SLC15A3: variants seen among roughly 807,000 people sequenced by gnomAD.
The protein encoded by SLC15A3 is osteoclast transporter.
A neutral mutation model predicts 49.2 loss-of-function variants in SLC15A3; 39 were observed. The ratio of observed to expected loss-of-function variants is 0.79; its 90% CI spans 0.61 to 1.04. The LOEUF (loss-of-function observed/expected upper bound fraction) is 1.04, where lower values mean the gene tolerates loss of function less well. Among genes scored for constraint, SLC15A3 ranks in the 50% least tolerant of loss-of-function variants. The probability of loss-of-function intolerance (pLI) is 0.00; values close to 1 mark genes in which losing one functional copy is unlikely to be tolerated. For missense variants in SLC15A3, 758 were observed against 794.8 expected (o/e 0.95, Z 0.56); for synonymous variants, 339 against 367.0 (o/e 0.92, Z 0.87).
chr11:60,951,238 G>A lies in SLC15A3; in HGVS notation c.314C>T (p.Ala105Val). ...GGCCAGGTAGAGCAGCAGGCTGAGC[G>A]CGACCGCGCGGTAGCGGCCCAGGTA... ...DVYLGRYRAV[A>V]LSLLLYLAAS... is the part of the protein sequence containing the mutation. Residue 105 changes from alanine to valine, a missense_variant, in exon 1 of 8, where the codon GCG (alanine) becomes GTG (valine). Physicochemically the swap from Ala to Val is moderately conservative, Grantham distance 64. This residue lies in a region of SLC15A3 where 699 missense variants were observed against 706.7 expected (regional missense o/e 0.99). Coordinates refer to ENST00000227880, the MANE Select transcript of SLC15A3 (RefSeq NM_016582.3). The A allele has an allele frequency of 4.0e-6, 6 of 1,511,770 alleles. No individual in the cohort carries two copies. Among genetic ancestry groups the A allele is most frequent in the Non-Finnish European group, 5.3e-6 (6 of 1,134,328 alleles). 93.6% of individuals were successfully genotyped at this position (1,511,770 alleles called of 1,614,324 possible).
chr11:60,946,560 G>T lies in SLC15A3; in HGVS notation c.820C>A (p.Pro274Thr). The part of the protein sequence containing the change: ...MLKLALQNCC[P>T]QLWQRHSARD... ...GCCGAGTGTCGTTGCCACAGCTGGG[G>T]GCAGCAGTTTTGGAGAGCGAGCTTA... The change falls in exon 2 of 8, where the codon CCC becomes ACC. Residue 274 changes from proline (P) to threonine (T), a missense_variant. Around this residue, in one of 3 missense-constraint regions of SLC15A3, gnomAD observed 699 missense variants for 706.7 expected, o/e 0.99. Transcript: ENST00000227880. 6.3e-6 allele frequency: 10 copies of T among 1,584,194 alleles called. No homozygotes were observed. Among genetic ancestry groups the T allele is most frequent in the Non-Finnish European group, 6.9e-6 (8 of 1,160,914 alleles).
intron 3 of SLC15A3, 38 bp downstream of exon 3, chr11:60,943,651 G>C (rs2134930902): frequency 2.0e-6 from 3 of 1,474,244 alleles, no homozygotes; most frequent in East Asian, 2.5e-5. Flanking sequence ...GGTGAGTGGG[G>C]AGCCAGGCCC....
At position 60,937,484 on chromosome 11, in the gene SLC15A3, G is replaced by C. The variant is rs560918864; in HGVS notation, c.1592-111C>G. ...GGCAACTGAGGCCATGTGGGCAGTG[G>C]TGGGATCTGAAGACACTGGACAGAT... On this transcript the variant is annotated intron_variant, in intron 7 of 7. Transcript: ENST00000227880. 2.1e-6 allele frequency: 3 copies of C among 1,416,856 alleles called. No individual in the cohort carries two copies. The African/African-American group carries it at 4.2e-5, about 20-fold the overall frequency. 87.8% of individuals were successfully genotyped at this position (1,416,856 alleles called of 1,614,324 possible). A position where few individuals can be genotyped will look rare whatever the true frequency, so the allele number is the denominator to read the frequency against.
In SLC15A3 at chr11:60,951,535, G is replaced by A. The variant is rs1006262713; in HGVS notation, c.17C>T (p.Ala6Val). 8 of 1,146,002 alleles carry A rather than the reference G, an allele frequency of 7.0e-6. No individual in the cohort carries two copies. In the Admixed American group the frequency reaches 2.4e-4, roughly 35 times the overall value. The allele number at this position is 1,146,002 out of a possible 1,614,324, so 71.0% of individuals were successfully genotyped here. ...CCCGGGCACGCGGGGCTGCTCCCGG[G>A]CGCGCGGCGCGGGCATCCTGGCTCC... MPAPR[A>V]REQPRVPGER... The change falls in exon 1 of 8, where the codon GCC becomes GTC. Residue 6 changes from alanine to valine, a missense_variant. Coordinates refer to ENST00000227880, the MANE Select transcript of SLC15A3 (RefSeq NM_016582.3).
At chr11:60,949,485 G>GAAGAAAGAAAGAAAGAAGGAAAGAAAGA (rs1856862034) in intron 1 of SLC15A3, among the ~76,000 whole-genome samples, 1 of 84,194 alleles carries the variant, frequency 1.2e-5, no homozygotes, top group Non-Finnish European at 2.3e-5. Flanking sequence ...AGAAAGAAAG[G>GAAGAAAGAAAGAAAGAAGGAAAGAAAGA]AAGAAAGAAA....
At position 60,941,133 on chromosome 11, in the gene SLC15A3, A is replaced by C. The variant is rs1856701872; in HGVS notation, c.1265T>G (p.Val422Gly). ...ACCCCTCTGCACACCTGCCACAATG[A>C]CGGAGGTAAAACCAAAGAACATCCC... ...ALGMFFGFTS[V>G]IVAGVLEMER... The change falls in exon 5 of 8, where the codon GTC becomes GGC. Residue 422 changes from valine (V) to glycine (G), a missense_variant. Around this residue, in one of 3 missense-constraint regions of SLC15A3, gnomAD observed 699 missense variants for 706.7 expected, o/e 0.99. Transcript: ENST00000227880. 1 of 1,613,026 alleles carries C rather than the reference A, an allele frequency of 6.2e-7. No homozygotes were observed. The highest frequency in any genetic ancestry group is 1.1e-5 in the South Asian group (1 of 90,804).
rs370444847 is a variant in SLC15A3, at chr11:60,946,503, G to A, written c.848+29C>T. On this transcript the variant is annotated intron_variant, in intron 2 of 7. Coordinates refer to ENST00000227880, the MANE Select transcript of SLC15A3 (RefSeq NM_016582.3). ...GATCCAGCGCTTCTCCAGGCTTGGA[G>A]GCTCCCTGCACCCAGAGCCCCTCCT... 90 of 1,522,346 alleles carry A rather than the reference G, an allele frequency of 5.9e-5. No homozygotes were observed. In the African/African-American group the frequency reaches 1.2e-3, roughly 21 times the overall value. 94.3% of individuals were successfully genotyped at this position (1,522,346 alleles called of 1,614,324 possible).
rs1358439582 is a variant in SLC15A3, at chr11:60,951,600, C to T, written c.-49G>A. 8.8e-7 allele frequency: 1 copy of T among 1,132,480 alleles called. No homozygotes were observed. Among genetic ancestry groups the T allele is most frequent in the Non-Finnish European group, 1.1e-6 (1 of 923,716 alleles). The allele number at this position is 1,132,480 out of a possible 1,614,324, so 70.2% of individuals were successfully genotyped here. On this transcript the variant is annotated 5_prime_UTR_variant, in exon 1 of 8. Transcript: ENST00000227880. ...GCGGCTCTTCTCTCCTCTCCTCTCC[C>T]CGCCTCAGAGCCCTGCACTCCTGCC...
In SLC15A3 at chr11:60,946,706, C is replaced by T. The variant is rs750023687; in HGVS notation, c.674G>A (p.Ser225Asn). Residue 225 changes from serine (S) to asparagine (N), a missense_variant, in exon 2 of 8, where the codon AGC becomes AAC. Ser to Asn is a conservative substitution (Grantham distance 46). Around this residue, in one of 3 missense-constraint regions of SLC15A3, gnomAD observed 699 missense variants for 706.7 expected, o/e 0.99. Coordinates refer to ENST00000227880, the MANE Select transcript of SLC15A3 (RefSeq NM_016582.3). Reference sequence around the variant, plus strand: ...AGGGATGCTGTAGCCCAGCAGGAAGCTGATGTTCTGCTGAATAAACGCCAC... The same window carrying T: ...AGGGATGCTGTAGCCCAGCAGGAAGTTGATGTTCTGCTGAATAAACGCCAC... The part of the protein sequence containing the change: ...LVVAFIQQNI[S>N]FLLGYSIPVG... The T allele has an allele frequency of 5.0e-6, 8 of 1,614,222 alleles. No homozygotes were observed. Among genetic ancestry groups the T allele is most frequent in the Middle Eastern group, 1.6e-4 (1 of 6,062 alleles).
intron 4 of SLC15A3, chr11:60,941,788 G>A (rs746297612): frequency 1.0e-4 from 49 of 483,068 alleles, no homozygotes; most frequent in Non-Finnish European, 1.7e-4. Context: ...ATTAGGCAGC[G>A]AGACCTGCTT....
At chr11:60,940,077 A>G (rs1176089807) in intron 5 of SLC15A3, 2 of 178,300 alleles carry the variant, frequency 1.1e-5, no homozygotes, top group Admixed American at 1.1e-4. Context: ...TTTCCATGAT[A>G]TCACATGACT....
chr11:60,949,486 A>C (rs1856861896), intron 1 of SLC15A3, among the ~76,000 whole-genome samples: 2 of 142,344 alleles, frequency 1.4e-5, no homozygotes, highest in Admixed American at 7.1e-5. Context: ...GAAAGAAAGG[A>C]AGAAAGAAAG....
In SLC15A3 at chr11:60,943,776, C is replaced by T. The variant is rs577670640; in HGVS notation, c.909G>A (p.Pro303=). 2.4e-5 allele frequency: 39 copies of T among 1,603,914 alleles called. No homozygotes were observed. Among genetic ancestry groups the T allele is most frequent in the African/African-American group, 2.0e-4 (15 of 74,620 alleles). The change falls in exon 3 of 8, where the codon CCG becomes CCA. Residue 303 remains proline (P), a synonymous_variant. Coordinates refer to ENST00000227880, the MANE Select transcript of SLC15A3 (RefSeq NM_016582.3). The part of the protein sequence containing the change: ...DERSPQPGAS[P]QEDIANFQVL... ...CCTGGAAGTTGGCGATGTCCTCTTG[C>T]GGGGAAGCCCCTGGCTGGGGAGACC...
intron 1 of SLC15A3, among the ~76,000 whole-genome samples, chr11:60,949,518 A>AAG (rs1185784480): frequency 1.7e-4 from 12 of 72,576 alleles, no homozygotes; most frequent in African/African-American, 3.8e-4. Flanking sequence ...GAAAGAAAGA[A>AAG]AGAAAGAAAG....
In SLC15A3 at chr11:60,943,791, C is replaced by T. The variant is rs764302267; in HGVS notation, c.894G>A (p.Gln298=). 6.2e-7 allele frequency: 1 copy of T among 1,601,564 alleles called. No homozygotes were observed. Among genetic ancestry groups the T allele is most frequent in the African/African-American group, 1.3e-5 (1 of 74,350 alleles). The change falls in exon 3 of 8, where the codon CAG becomes CAA. Residue 298 remains glutamine, a synonymous_variant. Transcript: ENST00000227880. ...TGTCCTCTTGCGGGGAAGCCCCTGG[C>T]TGGGGAGACCTCTCGTCGGCCAGCA... The part of the protein sequence containing the change: ...ARVLADERSP[Q]PGASPQEDIA...
At position 60,951,372 on chromosome 11, in the gene SLC15A3, G is replaced by A; in HGVS notation, c.180C>T (p.Leu60=). Residue 60 remains leucine (L), a synonymous_variant, in exon 1 of 8, where the codon CTC becomes CTT. Transcript: ENST00000227880. ...CGGTCCAGTTGAAGTTGGTGCTGTT[G>A]AGGTACAGCACGAGGTTGGCGGTGA... ...FGVTANLVLY[L]NSTNFNWTGE... is the part of the protein sequence containing the mutation. 3 of 1,557,436 alleles carry A rather than the reference G, an allele frequency of 1.9e-6. No individual in the cohort carries two copies. Among genetic ancestry groups the A allele is most frequent in the Non-Finnish European group, 2.6e-6 (3 of 1,156,916 alleles).
intron 3 of SLC15A3, 176 bp downstream of exon 3, chr11:60,943,513 G>T: frequency 1.8e-6 from 1 of 556,292 alleles, no homozygotes; most frequent in Non-Finnish European, 2.8e-6. Context: ...GAGGGAGTTG[G>T]ATTGCTGAGA....
At chr11:60,948,773 G>T (rs769255327) in intron 1 of SLC15A3, among the ~76,000 whole-genome samples, 1 of 152,196 alleles carries the variant, frequency 6.6e-6, no homozygotes, top group Non-Finnish European at 1.5e-5. Flanking sequence ...CAGCCAAGGG[G>T]AGAACGTACA....
chr11:60,948,736 G>A (rs180984916), intron 1 of SLC15A3, among the ~76,000 whole-genome samples: 19 of 152,350 alleles, frequency 1.2e-4, no homozygotes, highest in African/African-American at 4.3e-4. Flanking sequence ...CTTGTGGCCT[G>A]CCTTTGCTCC....
Sources: allele counts gnomAD v4.1 joint callset (sites outside exome capture counted in the v4.1 genomes callset), GRCh38; gene constraint gnomAD v4.1.1; regional missense constraint gnomAD v4.1.1; transcripts MANE v1.5; gene names NCBI Gene and HGNC (gene_info 2026-07-23, HGNC 2026-07-21).